The following DYSF variants were observed in gnomAD, a reference collection of about 807,000 sequenced individuals.
DYSF encodes the protein dysferlin, also known as dystrophy-associated fer-1-like 1.
Under a neutral mutation model 274.9 loss-of-function variants are expected in DYSF, and 212 were observed. The observed-to-expected ratio is 0.77, with a 90% CI of 0.69 to 0.86. DYSF has a LOEUF of 0.86. Ranked by LOEUF, DYSF falls within the 40% of genes least tolerant of loss-of-function variation. DYSF has a pLI of 0.00. For missense variants in DYSF, 2,666 were observed against 2,783.2 expected, an observed-to-expected ratio of 0.96 and a Z score of 0.95; for synonymous variants, 1,091 against 1,078.7, an observed-to-expected ratio of 1.01 and a Z score of -0.22.
intron 29 of DYSF, among the ~76,000 whole-genome samples, chr2:71,572,984 ACTTGCTCCGGGGT>A (rs1459563870): frequency 6.6e-6 from 1 of 152,192 alleles, no homozygotes; most frequent in Non-Finnish European, 1.5e-5. Context: ...AAGCACATGC[ACTTGCTCCGGGGT>A]CACACAGGGG....
At chr2:71,631,800 C>A (rs1321045432) in intron 41 of DYSF, among the ~76,000 whole-genome samples, 2 of 151,972 alleles carry the variant, frequency 1.3e-5, no homozygotes, top group African/African-American at 4.8e-5. Flanking sequence ...CTTTTCCCTG[C>A]TTGGCATTCC....
At position 71,659,082 on chromosome 2, in the gene DYSF, C is replaced by G. The variant is rs945504925; in HGVS notation, c.4911+49C>G. 18 of 1,612,648 alleles carry G rather than the reference C, an allele frequency of 1.1e-5. No individual in the cohort carries two copies. The African/African-American group carries it at 2.0e-4, about 18-fold the overall frequency. On this transcript the variant is annotated intron_variant, in intron 44 of 55. Coordinates refer to ENST00000410020, the MANE Select transcript of DYSF (RefSeq NM_001130987.2). ...TCCCCCAGAGTAGCAGGCTCAGGTA[C>G]AAGTGGCCTATAGAACCTGGACACA...
chr2:71,609,791 A>T (rs2093714194), intron 36 of DYSF, among the ~76,000 whole-genome samples: 1 of 152,136 alleles, frequency 6.6e-6, no homozygotes, highest in African/African-American at 2.4e-5. Flanking sequence ...GAAGTGATTC[A>T]TGGAGGTGGG....
chr2:71,618,043 T>G (rs1485563818), intron 40 of DYSF, among the ~76,000 whole-genome samples: 1 of 71,332 alleles, frequency 1.4e-5, no homozygotes, highest in Admixed American at 1.8e-4. Context: ...AGAGATGGTG[T>G]GTGTGTGTGT....
intron 42 of DYSF, among the ~76,000 whole-genome samples, chr2:71,649,137 C>CAAAA (rs376775027): frequency 3.3e-5 from 3 of 89,690 alleles, no homozygotes; most frequent in East Asian, 3.6e-4. Flanking sequence ...ACTTTGTCTC[C>CAAAA]AAAAAAAAAA....
In DYSF at chr2:71,681,142, A is replaced by C. The variant is rs370590586; in HGVS notation, c.6173+32A>C. The C allele has an allele frequency of 2.5e-6, 4 of 1,591,128 alleles. No individual in the cohort carries two copies. In the African/African-American group the frequency reaches 5.4e-5, roughly 21 times the overall value. On this transcript the variant is annotated intron_variant, in intron 54 of 55. Transcript: ENST00000410020. ...GCCCAGCCCCTGAGCCCCAATGCCC[A>C]CAGGTCTGGGGGTATAGGCCACAGT...
intron 14 of DYSF, among the ~76,000 whole-genome samples, chr2:71,532,659 G>C (rs117610291): frequency 6.6e-6 from 1 of 152,234 alleles, no homozygotes; most frequent in Non-Finnish European, 1.5e-5. Context: ...GATGCCTGGG[G>C]CAGGGGCTGA....
chr2:71,480,120 C>T (rs2082763912), intron 1 of DYSF, among the ~76,000 whole-genome samples: 1 of 152,146 alleles, frequency 6.6e-6, no homozygotes, highest in Non-Finnish European at 1.5e-5. Context: ...AACTAATCTG[C>T]TTTCTGTCTC....
chr2:71,510,683 G>GGAC (rs1193233312), intron 4 of DYSF, among the ~76,000 whole-genome samples: 1 of 152,218 alleles, frequency 6.6e-6, no homozygotes. Flanking sequence ...GTGAGTCCCT[G>GGAC]GACGTCCCTA....
chr2:71,490,301 T>C (rs1573472524), intron 3 of DYSF, among the ~76,000 whole-genome samples: 1 of 152,352 alleles, frequency 6.6e-6, no homozygotes, highest in East Asian at 1.9e-4. Flanking sequence ...ATTTCTTCTC[T>C]TTTCTCCAGA....
intron 4 of DYSF, among the ~76,000 whole-genome samples, chr2:71,506,022 A>G (rs1423542398): frequency 1.3e-5 from 2 of 152,046 alleles, no homozygotes; most frequent in Admixed American, 6.6e-5. Context: ...GGCCACAGCT[A>G]CCCTCTGCCT....
intron 17 of DYSF, among the ~76,000 whole-genome samples, 161 bp from the exon 18 acceptor site, chr2:71,550,880 A>G (rs1002354045): frequency 6.6e-6 from 1 of 152,196 alleles, no homozygotes; most frequent in Non-Finnish European, 1.5e-5. Context: ...CGTGAGAGCT[A>G]TCGCTCGTGG....
At chr2:71,680,631 A>G (rs1184471441) in intron 53 of DYSF, among the ~76,000 whole-genome samples, 1 of 152,252 alleles carries the variant, frequency 6.6e-6, no homozygotes, top group Admixed American at 6.5e-5. Flanking sequence ...GCAGTCATTA[A>G]AAACCGAACT....
At chr2:71,507,871 C>T (rs763443743) in intron 4 of DYSF, among the ~76,000 whole-genome samples, 4 of 152,236 alleles carry the variant, frequency 2.6e-5, no homozygotes, top group South Asian at 2.1e-4. Flanking sequence ...CCTTGACCTC[C>T]GGGGCTCAAG....
At chr2:71,489,468 T>C (rs902197962) in intron 3 of DYSF, among the ~76,000 whole-genome samples, 3 of 152,196 alleles carry the variant, frequency 2.0e-5, no homozygotes, top group East Asian at 3.9e-4. Context: ...TTAGGAATGG[T>C]GTATCTTCTT....
chr2:71,556,117 C>G (rs1361243711), intron 22 of DYSF, 46 bp downstream of exon 22: 11 of 1,489,560 alleles, frequency 7.4e-6, no homozygotes, highest in African/African-American at 1.4e-5. Flanking sequence ...CCTGGCTCAA[C>G]TGGGCCTGTT....
At chr2:71,504,209 G>T (rs1475967136) in intron 4 of DYSF, among the ~76,000 whole-genome samples, 2 of 152,140 alleles carry the variant, frequency 1.3e-5, no homozygotes, top group Non-Finnish European at 2.9e-5. Flanking sequence ...GTTCCCATGG[G>T]GGCCTGGACC....
At chr2:71,601,163 C>T (rs773800367) in intron 34 of DYSF, 7 of 586,026 alleles carry the variant, frequency 1.2e-5, no homozygotes, top group East Asian at 8.6e-5. Context: ...GCAGGATCCC[C>T]GTTGCATTGC....
chr2:71,513,973 G>T (rs377610023), intron 7 of DYSF, 52 bp downstream of exon 7: 1 of 1,603,774 alleles, frequency 6.2e-7, no homozygotes, highest in African/African-American at 1.3e-5. Flanking sequence ...CATCAGCTGC[G>T]GGTGCCAGGC....
Sources: allele counts gnomAD v4.1 joint callset (sites outside exome capture counted in the v4.1 genomes callset), GRCh38; gene constraint gnomAD v4.1.1; transcripts MANE v1.5; gene names NCBI Gene and HGNC (gene_info 2026-07-23, HGNC 2026-07-21).